The following FHIT variants were observed in gnomAD, a reference collection of about 807,000 sequenced individuals.
FHIT encodes bis(5'-adenosyl)-triphosphatase.
A neutral mutation model predicts 17.9 loss-of-function variants in FHIT; 19 were observed. That is an observed-to-expected ratio of 1.06 (90% CI 0.74 to 1.56). FHIT has a LOEUF of 1.56. Among genes scored for constraint, FHIT ranks in the 40% most tolerant of loss-of-function variants. FHIT has a pLI of 0.00. For missense variants in FHIT, 248 were observed against 189.2 expected, an observed-to-expected ratio of 1.31 and a Z score of -1.82; for synonymous variants, 81 against 69.7, an observed-to-expected ratio of 1.16 and a Z score of -0.81.
intron 7 of FHIT, among the ~76,000 whole-genome samples, chr3:59,953,348 T>G (rs897287990): frequency 6.6e-6 from 1 of 152,100 alleles, no homozygotes; most frequent in African/African-American, 2.4e-5. Context: ...CTTGTGTGCA[T>G]GTCCTCCTCC....
intron 2 of FHIT, among the ~76,000 whole-genome samples, chr3:61,185,540 T>C (rs537064944): frequency 3.9e-5 from 6 of 152,264 alleles, no homozygotes; most frequent in Non-Finnish European, 7.4e-5. Flanking sequence ...TTCCAATCCA[T>C]CCCAGCCTAA....
chr3:60,651,177 A>C (rs2039982941), intron 4 of FHIT, among the ~76,000 whole-genome samples: 1 of 152,122 alleles, frequency 6.6e-6, no homozygotes, highest in Non-Finnish European at 1.5e-5. Flanking sequence ...CATTGTAAGA[A>C]ATCCATCTTG....
chr3:60,656,114 T>C (rs376211945), intron 4 of FHIT, among the ~76,000 whole-genome samples: 15 of 152,336 alleles, frequency 9.8e-5, no homozygotes, highest in Admixed American at 7.8e-4. Context: ...TGTAAGCCTT[T>C]GCACTGCATC....
chr3:60,011,526 G>A, intron 6 of FHIT, 126 bp from the exon 7 acceptor site: 2 of 816,038 alleles, frequency 2.5e-6, no homozygotes, highest in Admixed American at 4.2e-5. Flanking sequence ...TATTCTCATG[G>A]GGACCATTGG....
intron 5 of FHIT, among the ~76,000 whole-genome samples, chr3:60,028,888 T>C (rs1700865151): frequency 6.6e-6 from 1 of 152,232 alleles, no homozygotes; most frequent in Non-Finnish European, 1.5e-5. Flanking sequence ...TTTCATGACA[T>C]TGAAAACACA....
chr3:59,833,742 C>G (rs896461895), intron 8 of FHIT, among the ~76,000 whole-genome samples: 1 of 152,166 alleles, frequency 6.6e-6, no homozygotes, highest in Non-Finnish European at 1.5e-5. Flanking sequence ...CCCACCCAAT[C>G]TCATCTCGAA....
intron 4 of FHIT, among the ~76,000 whole-genome samples, chr3:60,743,835 T>C (rs1553714528): frequency 6.6e-6 from 1 of 152,146 alleles, no homozygotes; most frequent in Non-Finnish European, 1.5e-5. Flanking sequence ...CAGCGCTGGT[T>C]CTCTTTCACG....
At chr3:60,374,281 T>C (rs139308899) in intron 5 of FHIT, among the ~76,000 whole-genome samples, 1,645 of 152,216 alleles carry the variant, frequency 0.011, 15 homozygotes, top group African/African-American at 0.02. Context: ...CCAGGCAAAA[T>C]AGTCTAGTTT....
intron 5 of FHIT, among the ~76,000 whole-genome samples, chr3:60,018,797 G>A (rs1350912626): frequency 6.6e-6 from 1 of 151,426 alleles, no homozygotes; most frequent in Non-Finnish European, 1.5e-5. Flanking sequence ...GGCCAACGTG[G>A]TGAAACCCCA....
At chr3:60,495,250 T>C (rs1306092336) in intron 5 of FHIT, among the ~76,000 whole-genome samples, 1 of 151,696 alleles carries the variant, frequency 6.6e-6, no homozygotes, top group African/African-American at 2.4e-5. Flanking sequence ...TTCATATGCC[T>C]GTTAGCTATT....
chr3:61,104,801 T>G (rs2035942685), intron 2 of FHIT, among the ~76,000 whole-genome samples: 1 of 152,092 alleles, frequency 6.6e-6, no homozygotes, highest in Non-Finnish European at 1.5e-5. Context: ...CTGACTGTCT[T>G]GTTTCAGAAA....
At chr3:59,869,218 G>A (rs1702797891) in intron 8 of FHIT, among the ~76,000 whole-genome samples, 1 of 152,156 alleles carries the variant, frequency 6.6e-6, no homozygotes, top group Non-Finnish European at 1.5e-5. Flanking sequence ...GTGATTAGAA[G>A]TAATAGGTTT....
intron 5 of FHIT, among the ~76,000 whole-genome samples, chr3:60,316,507 G>A (rs1709172070): frequency 1.3e-5 from 2 of 152,282 alleles, no homozygotes; most frequent in Non-Finnish European, 1.5e-5. Flanking sequence ...CTAAATGTAT[G>A]CAGATCAAGC....
chr3:61,212,356 C>T (rs2039509678), intron 1 of FHIT, among the ~76,000 whole-genome samples: 1 of 152,126 alleles, frequency 6.6e-6, no homozygotes, highest in African/African-American at 2.4e-5. Flanking sequence ...GTGAAGAATG[C>T]AGAAGCCTCA....
intron 8 of FHIT, among the ~76,000 whole-genome samples, chr3:59,901,845 A>C (rs778838393): frequency 2.4e-4 from 36 of 152,244 alleles, no homozygotes; most frequent in Non-Finnish European, 4.3e-4. Flanking sequence ...AGCAGCATTC[A>C]CAGAACGATT....
intron 4 of FHIT, among the ~76,000 whole-genome samples, chr3:60,809,874 C>A (rs781797060): frequency 1.3e-5 from 2 of 152,166 alleles, no homozygotes; most frequent in Admixed American, 6.5e-5. Context: ...ATACTAGAAT[C>A]CCCTGGGGCT....
intron 5 of FHIT, among the ~76,000 whole-genome samples, chr3:60,474,462 G>A (rs1392552855): frequency 2.6e-5 from 4 of 152,098 alleles, no homozygotes; most frequent in Non-Finnish European, 5.9e-5. Context: ...CTAAATTGAT[G>A]AGTAGTTTTG....
At chr3:59,776,948 C>T (rs1190022023) in intron 8 of FHIT, among the ~76,000 whole-genome samples, 1 of 152,130 alleles carries the variant, frequency 6.6e-6, no homozygotes, top group Non-Finnish European at 1.5e-5. Context: ...GTTCCATGTT[C>T]ATTCCATGCC....
At chr3:60,460,458 C>A (rs969191959) in intron 5 of FHIT, among the ~76,000 whole-genome samples, 2 of 151,788 alleles carry the variant, frequency 1.3e-5, no homozygotes, top group Non-Finnish European at 2.9e-5. Flanking sequence ...ACCAATATTA[C>A]TTCTTTGGAA....
Sources: allele counts gnomAD v4.1 joint callset (sites outside exome capture counted in the v4.1 genomes callset), GRCh38; gene constraint gnomAD v4.1.1; transcripts MANE v1.5; gene names NCBI Gene and HGNC (gene_info 2026-07-23, HGNC 2026-07-21).